The following CTNNA3 variants were observed in gnomAD, a reference collection of about 807,000 sequenced individuals.
CTNNA3 encodes catenin alpha-3.
Under a neutral mutation model 95.7 loss-of-function variants are expected in CTNNA3, and 76 were observed. That is an observed-to-expected ratio of 0.79 (90% confidence interval 0.66 to 0.96). The LOEUF (loss-of-function observed/expected upper bound fraction) is 0.96, where lower values mean the gene tolerates loss of function less well. Among genes scored for constraint, CTNNA3 ranks in the 40% least tolerant of loss-of-function variants. The probability of loss-of-function intolerance (pLI) is 0.00; values close to 1 mark genes in which losing one functional copy is unlikely to be tolerated. For missense variants in CTNNA3, 1,191 were observed against 1,089.8 expected (o/e 1.09, Z -1.31); for synonymous variants, 431 against 374.4 (o/e 1.15, Z -1.74).
chr10:66,121,194 G>T (rs2082557949), intron 13 of CTNNA3, among the ~76,000 whole-genome samples: 3 of 152,246 alleles, frequency 2.0e-5, no homozygotes, highest in Middle Eastern at 3.4e-3. Flanking sequence ...CTCAAGCATA[G>T]AAATTAAGAG....
At chr10:67,400,738 G>A (rs962208723) in intron 5 of CTNNA3, among the ~76,000 whole-genome samples, 1 of 152,160 alleles carries the variant, frequency 6.6e-6, no homozygotes, top group Non-Finnish European at 1.5e-5. Context: ...CTTTTCAAAA[G>A]TGGAATTAAT....
intron 11 of CTNNA3, among the ~76,000 whole-genome samples, chr10:66,442,001 T>C (rs1157834580): frequency 6.6e-6 from 1 of 152,186 alleles, no homozygotes; most frequent in Non-Finnish European, 1.5e-5. Context: ...ACTACTGAAA[T>C]AGTATGTAAA....
intron 15 of CTNNA3, among the ~76,000 whole-genome samples, chr10:66,012,468 CAAA>C (rs2079023070): frequency 6.6e-6 from 1 of 152,074 alleles, no homozygotes; most frequent in Admixed American, 6.5e-5. Flanking sequence ...AGAGATTTCC[CAAA>C]GGAGCTAATT....
chr10:67,296,759 C>A (rs1840048770), intron 5 of CTNNA3, among the ~76,000 whole-genome samples: 1 of 151,686 alleles, frequency 6.6e-6, no homozygotes, highest in Admixed American at 6.6e-5. Context: ...TGTGGTGAAA[C>A]CCCGTCTTTA....
chr10:67,691,331 G>A (rs988538403), intron 1 of CTNNA3, among the ~76,000 whole-genome samples: 1 of 152,172 alleles, frequency 6.6e-6, no homozygotes, highest in Non-Finnish European at 1.5e-5. Flanking sequence ...GGGAAGTGAG[G>A]AGCATCTCCG....
At chr10:67,444,337 C>A (rs1375735244) in intron 5 of CTNNA3, among the ~76,000 whole-genome samples, 1 of 152,050 alleles carries the variant, frequency 6.6e-6, no homozygotes, top group East Asian at 1.9e-4. Context: ...TTACAAATTT[C>A]TTGAAACAAA....
In CTNNA3 at chr10:66,199,784, TATATATATATATATA is replaced by T. The variant is rs2087224997; in HGVS notation, c.1884+80671_1884+80685del. On this transcript the variant is annotated intron_variant, in intron 13 of 17. Transcript: ENST00000433211. The stretch of plus-strand genomic sequence containing the variant: ...GCCTGGCTATATATATATATATATA[TATATATATATATATA>T]TATATATTTTTTTTTTTTTTTTTTT... Among the ~76,000 whole-genome samples, 4 of 11,862 alleles carry T rather than the reference TATATATATATATATA, an allele frequency of 3.4e-4. 1 individual carries two copies. The highest frequency in any genetic ancestry group is 1.1e-3 in the African/African-American group (4 of 3,528). The allele number at this position is 11,862 out of a possible 152,430, so 7.8% of individuals were successfully genotyped here. A position where few individuals can be genotyped will look rare whatever the true frequency, so the allele number is the denominator to read the frequency against.
intron 7 of CTNNA3, among the ~76,000 whole-genome samples, chr10:67,103,172 AT>A (rs1858438264): frequency 1.3e-5 from 2 of 151,916 alleles, no homozygotes; most frequent in South Asian, 4.1e-4. Context: ...GCTCAAATGA[AT>A]TTATTTTTCC....
chr10:67,339,395 C>T (rs1462436462), intron 5 of CTNNA3, among the ~76,000 whole-genome samples: 1 of 152,010 alleles, frequency 6.6e-6, no homozygotes, highest in East Asian at 1.9e-4. Flanking sequence ...AGATCTTGTT[C>T]CAACTAAATA....
chr10:67,567,482 C>G (rs1007479240), intron 3 of CTNNA3, among the ~76,000 whole-genome samples: 9 of 151,980 alleles, frequency 5.9e-5, no homozygotes, highest in Non-Finnish European at 1.3e-4. Flanking sequence ...TTGGTTAATG[C>G]GTACAATGTA....
chr10:67,573,613 A>T (rs1337398002), intron 3 of CTNNA3, among the ~76,000 whole-genome samples: 1 of 152,004 alleles, frequency 6.6e-6, no homozygotes, highest in Non-Finnish European at 1.5e-5. Context: ...ATATGAGATG[A>T]AGACAGAAGG....
At chr10:67,310,098 G>C (rs1840724368) in intron 5 of CTNNA3, among the ~76,000 whole-genome samples, 1 of 152,124 alleles carries the variant, frequency 6.6e-6, no homozygotes, top group Non-Finnish European at 1.5e-5. Context: ...GTGATAGAAG[G>C]GTTAAATAAG....
Position 67,539,557 on chromosome 10 carries a change from G to A in CTNNA3, c.405C>T (p.Leu135=), listed in dbSNP as rs769989476. 3 of 1,613,732 alleles carry A rather than the reference G, an allele frequency of 1.9e-6. No individual in the cohort carries two copies. The South Asian group carries it at 3.3e-5, about 18-fold the overall frequency. The change falls in exon 4 of 18, where the codon CTC becomes CTT. Residue 135 remains leucine (L), a synonymous_variant. Transcript: ENST00000433211. ...CATCAATCATGTCCGCAAGGATAAG[G>A]AGTCTCGTCACCGCAGCCAGCAAGG... ...ARALLAAVTR[L]LILADMIDVM...
intron 12 of CTNNA3, among the ~76,000 whole-genome samples, chr10:66,378,052 A>G (rs2092808611): frequency 6.6e-6 from 1 of 152,188 alleles, no homozygotes; most frequent in African/African-American, 2.4e-5. Flanking sequence ...AACTTGCTAG[A>G]AAAACAGCAA....
intron 1 of CTNNA3, among the ~76,000 whole-genome samples, chr10:67,712,737 A>G (rs1841118895): frequency 6.6e-6 from 1 of 152,254 alleles, no homozygotes; most frequent in Admixed American, 6.5e-5. Context: ...CCATATGCAG[A>G]AAACTGAAAC....
At chr10:66,635,960 C>T (rs1008890126) in intron 9 of CTNNA3, among the ~76,000 whole-genome samples, 10 of 148,860 alleles carry the variant, frequency 6.7e-5, no homozygotes, top group South Asian at 2.1e-4. Flanking sequence ...TATAAATTGC[C>T]GATAATGAGT....
intron 10 of CTNNA3, among the ~76,000 whole-genome samples, chr10:66,525,821 CT>C (rs1841237284): frequency 6.6e-6 from 1 of 152,182 alleles, no homozygotes; most frequent in Admixed American, 6.5e-5. Context: ...TTCCTTCCCC[CT>C]AGTACCTAGT....
At chr10:67,164,908 T>C (rs1418682984) in intron 7 of CTNNA3, among the ~76,000 whole-genome samples, 2 of 152,198 alleles carry the variant, frequency 1.3e-5, no homozygotes, top group East Asian at 1.9e-4. Context: ...AATAACTAGA[T>C]ACATTGCTGG....
At chr10:66,542,062 T>C (rs1841872823) in intron 10 of CTNNA3, among the ~76,000 whole-genome samples, 1 of 151,488 alleles carries the variant, frequency 6.6e-6, no homozygotes, top group South Asian at 2.1e-4. Context: ...AACAACCCCA[T>C]CAAAAAATGG....
Sources: allele counts gnomAD v4.1 joint callset (sites outside exome capture counted in the v4.1 genomes callset), GRCh38; gene constraint gnomAD v4.1.1; transcripts MANE v1.5; gene names NCBI Gene and HGNC (gene_info 2026-07-23, HGNC 2026-07-21).